Variants in GPC3 observed in about 807,000 individuals in gnomAD.
The protein encoded by GPC3 is glypican 3, also known as glypican-3.
Under a neutral mutation model 34.4 loss-of-function variants are expected in GPC3, and 3 were observed. That is an observed-to-expected ratio of 0.09 (90% CI 0.04 to 0.23). The LOEUF (loss-of-function observed/expected upper bound fraction) is 0.23. Among genes scored for constraint, GPC3 ranks in the 10% least tolerant of loss-of-function variants. The probability of loss-of-function intolerance (pLI) is 1.00; values close to 1 mark genes in which losing one functional copy is unlikely to be tolerated. For missense variants in GPC3, 351 were observed against 445.6 expected (o/e 0.79, Z 1.91); for synonymous variants, 177 against 174.0 (o/e 1.02, Z -0.13).
At chrX:133,623,244 T>C (rs998645695) in intron 6 of GPC3, among the ~76,000 whole-genome samples, 7 of 112,009 alleles carry the variant, frequency 6.2e-5, no homozygotes, top group African/African-American at 2.3e-4. Flanking sequence ...AGGAAGCAAC[T>C]GCATCAACTA....
intron 2 of GPC3, among the ~76,000 whole-genome samples, chrX:133,903,442 A>T (rs2076154195): frequency 9.1e-6 from 1 of 110,128 alleles, no homozygotes; most frequent in Non-Finnish European, 1.9e-5. Flanking sequence ...TGCAAAAATT[A>T]GCCAGGCGCA....
intron 3 of GPC3, among the ~76,000 whole-genome samples, chrX:133,736,400 T>A (rs1214752902): frequency 8.9e-6 from 1 of 111,896 alleles, no homozygotes; most frequent in Non-Finnish European, 1.9e-5. Flanking sequence ...AGATGAAACA[T>A]ACATCCACAC....
At chrX:133,806,605 ATTTATTTATTTATTTATTTATTTGTT>A (rs1416523343) in intron 2 of GPC3, among the ~76,000 whole-genome samples, 1 of 110,249 alleles carries the variant, frequency 9.1e-6, no homozygotes, top group African/African-American at 3.3e-5. Flanking sequence ...ACCTATTTTA[ATTTATTTATTTATTTATTTATTTGTT>A]TTATTTTATT....
At chrX:133,915,262 C>T (rs1359349724) in intron 2 of GPC3, among the ~76,000 whole-genome samples, 2 of 110,047 alleles carry the variant, frequency 1.8e-5, no homozygotes, top group Non-Finnish European at 3.8e-5. Flanking sequence ...CAACCTCCGC[C>T]TCCTGGGTTC....
intron 2 of GPC3, among the ~76,000 whole-genome samples, chrX:133,797,127 A>C (rs1384149663): frequency 3.6e-5 from 4 of 109,886 alleles, no homozygotes; most frequent in African/African-American, 1.0e-4. Context: ...GCTCCTGTGG[A>C]CTGCCTTGCT....
intron 3 of GPC3, among the ~76,000 whole-genome samples, chrX:133,745,839 T>C: frequency 8.9e-6 from 1 of 112,722 alleles, no homozygotes; most frequent in South Asian, 3.7e-4. Flanking sequence ...TTGGCATGTC[T>C]TAGGAACAGA....
chrX:133,545,887 C>T (rs750596086), intron 7 of GPC3, among the ~76,000 whole-genome samples: 3 of 107,958 alleles, frequency 2.8e-5, no homozygotes, highest in Admixed American at 9.8e-5. Context: ...AAATGTGGTA[C>T]GTCCATTCAA....
intron 1 of GPC3, 73 bp from the exon 2 acceptor site, chrX:133,953,284 C>T: frequency 2.5e-6 from 2 of 810,167 alleles, no homozygotes; most frequent in East Asian, 3.1e-5. Context: ...ACACCACCCC[C>T]ACCCCCTACA....
chrX:133,643,831 G>GTT (rs778326133), intron 6 of GPC3, among the ~76,000 whole-genome samples: 2 of 97,008 alleles, frequency 2.1e-5, no homozygotes, highest in Admixed American at 1.1e-4. Flanking sequence ...TTGTTTTTAT[G>GTT]TTTTTTTTTT....
chrX:133,624,994 T>C (rs889218543), intron 6 of GPC3, among the ~76,000 whole-genome samples: 4 of 112,324 alleles, frequency 3.6e-5, no homozygotes, highest in African/African-American at 9.7e-5. Flanking sequence ...ATCCTTGGGA[T>C]GCAAGGCTGG....
intron 2 of GPC3, among the ~76,000 whole-genome samples, chrX:133,782,419 G>C (rs749154328): frequency 1.8e-5 from 2 of 111,801 alleles, no homozygotes; most frequent in African/African-American, 6.5e-5. Context: ...AAAAGACAAG[G>C]CCAACAGAGC....
intron 5 of GPC3, among the ~76,000 whole-genome samples, chrX:133,662,555 G>A (rs187414991): frequency 2.3e-4 from 26 of 112,292 alleles, no homozygotes; most frequent in African/African-American, 7.1e-4. Flanking sequence ...ACTATTTAAA[G>A]TACTAGGCAA....
At chrX:133,728,552 T>C (rs1193039389) in intron 3 of GPC3, among the ~76,000 whole-genome samples, 1 of 112,673 alleles carries the variant, frequency 8.9e-6, no homozygotes, top group Non-Finnish European at 1.9e-5. Context: ...ACTCTATTCC[T>C]GCTAACTTAA....
At chrX:133,863,809 C>T (rs2075952416) in intron 2 of GPC3, among the ~76,000 whole-genome samples, 1 of 102,615 alleles carries the variant, frequency 9.7e-6, no homozygotes. Flanking sequence ...GCGCCCGCCA[C>T]CGCGCCCGGC....
intron 2 of GPC3, among the ~76,000 whole-genome samples, chrX:133,811,841 T>C (rs568019529): frequency 2.7e-5 from 3 of 112,349 alleles, no homozygotes; most frequent in African/African-American, 9.7e-5. Context: ...AGTTTAAACT[T>C]GTCTTGAAAA....
intron 7 of GPC3, among the ~76,000 whole-genome samples, chrX:133,548,919 C>T (rs2069409004): frequency 9.0e-6 from 1 of 111,467 alleles, no homozygotes; most frequent in Non-Finnish European, 1.9e-5. Flanking sequence ...GTGAGGCCTC[C>T]CCAGTCATGT....
intron 4 of GPC3, among the ~76,000 whole-genome samples, chrX:133,697,697 T>C (rs1182423758): frequency 8.9e-6 from 1 of 112,058 alleles, no homozygotes; most frequent in Non-Finnish European, 1.9e-5. Flanking sequence ...AGCATAGAGA[T>C]GGTGTTGACA....
At chrX:133,951,091 T>A (rs902683888) in intron 2 of GPC3, among the ~76,000 whole-genome samples, 12 of 101,839 alleles carry the variant, frequency 1.2e-4, no homozygotes, top group South Asian at 4.2e-4. Context: ...TGTGTGTGTG[T>A]GTGAAGTGAA....
intron 2 of GPC3, among the ~76,000 whole-genome samples, chrX:133,889,944 T>C (rs1331796413): frequency 9.3e-6 from 1 of 107,915 alleles, no homozygotes; most frequent in Non-Finnish European, 1.9e-5. Context: ...ATTTTTTTTG[T>C]ATTTTTAGTA....
Sources: gnomAD v4.1 joint callset for allele counts (sites outside exome capture counted in the v4.1 genomes callset) on GRCh38, gnomAD v4.1.1 for gene constraint, MANE v1.5 for transcripts, NCBI Gene and HGNC (gene_info 2026-07-23, HGNC 2026-07-21) for gene names.